The following TRABD2B variants were observed in gnomAD, a reference collection of about 807,000 sequenced individuals.
TRABD2B encodes the protein TraB domain containing 2B, also known as metalloprotease TIKI2.
TRABD2B carries 14 observed loss-of-function variants against 40.1 expected under a neutral mutation model. That is an observed-to-expected ratio of 0.35 (90% confidence interval 0.23 to 0.55). TRABD2B has a LOEUF of 0.55. TRABD2B is among the 20% of genes least tolerant of loss of function. The probability of loss-of-function intolerance (pLI) is 0.90; values close to 1 mark genes in which losing one functional copy is unlikely to be tolerated. For missense variants in TRABD2B, 541 were observed against 648.6 expected, an observed-to-expected ratio of 0.83 and a Z score of 1.80; for synonymous variants, 263 against 277.0, an observed-to-expected ratio of 0.95 and a Z score of 0.50.
chr1:47,834,058 T>C (rs988697103), intron 2 of TRABD2B, among the ~76,000 whole-genome samples: 1 of 152,200 alleles, frequency 6.6e-6, no homozygotes, highest in African/African-American at 2.4e-5. Flanking sequence ...TGGCAGTCAC[T>C]GGCAAAGGAA....
At position 47,893,567 on chromosome 1, in the gene TRABD2B, G is replaced by A. The variant is rs539175218; in HGVS notation, c.667-91948C>T. On this transcript the variant is annotated intron_variant, in intron 2 of 6. Coordinates refer to ENST00000606738, the MANE Select transcript of TRABD2B (RefSeq NM_001194986.2). The stretch of plus-strand genomic sequence containing the variant: ...TTCTCTTTACAGCCATGCTCTTAGC[G>A]CACCTTGCCTCACATTTCAATGCTT... Among the ~76,000 whole-genome samples, 6 of 152,244 alleles carry A rather than the reference G, an allele frequency of 3.9e-5. No homozygotes were observed. In the South Asian group the frequency reaches 1.0e-3, roughly 26 times the overall value.
rs1321049562 is a variant in TRABD2B, at chr1:47,763,628, C to A, written c.*2274G>T. ...ATTAATTTACCTTCTTGGCTCAGTGCCTGGCACAGATCTGGGCACACGGTC... is the reference window on the plus strand; with the variant it reads ...ATTAATTTACCTTCTTGGCTCAGTGACTGGCACAGATCTGGGCACACGGTC... On this transcript the variant is annotated 3_prime_UTR_variant, in exon 7 of 7. Coordinates refer to ENST00000606738, the MANE Select transcript of TRABD2B (RefSeq NM_001194986.2). 6.6e-6 allele frequency: 1 copy of A among 152,216 alleles called. No homozygotes were observed. The highest frequency in any genetic ancestry group is 1.5e-5 in the Non-Finnish European group (1 of 68,054). The allele number at this position is 152,216 out of a possible 1,614,324, so 9.4% of individuals were successfully genotyped here.
At chr1:47,779,875 G>C (rs1456824111) in intron 4 of TRABD2B, among the ~76,000 whole-genome samples, 1 of 152,230 alleles carries the variant, frequency 6.6e-6, no homozygotes, top group Admixed American at 6.5e-5. Context: ...GACAGCCCCA[G>C]GGAGGTCTAG....
chr1:47,847,171 C>T (rs1645483541), intron 2 of TRABD2B, among the ~76,000 whole-genome samples: 1 of 152,164 alleles, frequency 6.6e-6, no homozygotes, highest in South Asian at 2.1e-4. Flanking sequence ...GAGGCTGGGC[C>T]TGCCGCCAAG....
chr1:47,960,941 A>C (rs1473996438), intron 2 of TRABD2B, among the ~76,000 whole-genome samples: 1 of 152,088 alleles, frequency 6.6e-6, no homozygotes, highest in African/African-American at 2.4e-5. Context: ...TGGAGGCATC[A>C]CACTACCTGA....
chr1:47,886,216 G>A (rs1018979560), intron 2 of TRABD2B, among the ~76,000 whole-genome samples: 1 of 152,026 alleles, frequency 6.6e-6, no homozygotes, highest in African/African-American at 2.4e-5. Flanking sequence ...CCTCCTCCAG[G>A]GAGCCCTCCA....
At chr1:47,825,124 C>T (rs1645158476) in intron 2 of TRABD2B, among the ~76,000 whole-genome samples, 1 of 152,236 alleles carries the variant, frequency 6.6e-6, no homozygotes. Context: ...CACAGAACAA[C>T]ATGAGCAGGA....
intron 2 of TRABD2B, among the ~76,000 whole-genome samples, chr1:47,925,551 C>T (rs1235686295): frequency 6.6e-6 from 1 of 152,154 alleles, no homozygotes; most frequent in East Asian, 1.9e-4. Context: ...TCATTTAATC[C>T]TCACTAAGCT....
In TRABD2B at chr1:47,994,184, C is replaced by T. The variant is rs74075030; in HGVS notation, c.516G>A (p.Ser172=). 1.0e-3 allele frequency: 1,542 copies of T among 1,540,540 alleles called. 11 individuals are homozygous for T. The African/African-American group carries it at 0.019, about 19-fold the overall frequency. ...GGAAGCGCACGTCCCTCTCTGTGAG[C>T]GAGTTTACCATGAGCATCACCCAGA... The part of the protein sequence containing the change: ...RPVWVMLMVN[S]LTERDVRFRG... Residue 172 remains serine, a synonymous_variant, in exon 2 of 7, where the codon TCG becomes TCA. Coordinates refer to ENST00000606738, the MANE Select transcript of TRABD2B (RefSeq NM_001194986.2). This position sits in a 1 kb window ranked among gnomAD's most constrained non-coding sequence, Gnocchi z 6.7.
At chr1:47,906,012 A>C (rs1041393765) in intron 2 of TRABD2B, among the ~76,000 whole-genome samples, 1 of 152,056 alleles carries the variant, frequency 6.6e-6, no homozygotes, top group Non-Finnish European at 1.5e-5. Flanking sequence ...GCCATGTCTC[A>C]TTTTTTTATG....
At chr1:47,851,080 C>T (rs1276623851) in intron 2 of TRABD2B, among the ~76,000 whole-genome samples, 2 of 152,158 alleles carry the variant, frequency 1.3e-5, no homozygotes, top group Non-Finnish European at 2.9e-5. Flanking sequence ...AGGCTATGGA[C>T]TGGTACCAGT....
chr1:47,949,263 G>A (rs979302344), intron 2 of TRABD2B, among the ~76,000 whole-genome samples: 6 of 152,032 alleles, frequency 3.9e-5, no homozygotes, highest in Non-Finnish European at 8.8e-5. Flanking sequence ...AGGAAACTGA[G>A]GCCCAGAGAG....
At chr1:47,944,348 T>C (rs1320900062) in intron 2 of TRABD2B, among the ~76,000 whole-genome samples, 1 of 152,046 alleles carries the variant, frequency 6.6e-6, no homozygotes, top group Admixed American at 6.5e-5. Context: ...AATGTATGAA[T>C]TCAGAGCCAG....
chr1:47,930,232 G>T (rs1469084278), intron 2 of TRABD2B, among the ~76,000 whole-genome samples: 2 of 152,228 alleles, frequency 1.3e-5, no homozygotes, highest in African/African-American at 2.4e-5. Flanking sequence ...TGCCAGAGAA[G>T]AGAAAGACCA....
At chr1:47,921,318 G>A (rs1644899006) in intron 2 of TRABD2B, among the ~76,000 whole-genome samples, 1 of 152,184 alleles carries the variant, frequency 6.6e-6, no homozygotes, top group Non-Finnish European at 1.5e-5. Flanking sequence ...TATGCAAGTT[G>A]CCTCCGCTGC....
chr1:47,768,018 C>G (rs1385767866), intron 6 of TRABD2B, among the ~76,000 whole-genome samples: 1 of 152,220 alleles, frequency 6.6e-6, no homozygotes, highest in Non-Finnish European at 1.5e-5. Flanking sequence ...CCTGACTCCA[C>G]ATGGGCTCTT....
chr1:47,781,902 TC>T (rs1318748502), intron 4 of TRABD2B, among the ~76,000 whole-genome samples: 1 of 152,188 alleles, frequency 6.6e-6, no homozygotes, highest in Admixed American at 6.5e-5. Flanking sequence ...TGCTCACGAC[TC>T]CATTCCATCC....
intron 2 of TRABD2B, among the ~76,000 whole-genome samples, chr1:47,940,979 G>A (rs1049491776): frequency 2.6e-5 from 4 of 152,114 alleles, no homozygotes; most frequent in African/African-American, 9.7e-5. Flanking sequence ...CCATATGAAT[G>A]ACACTCTCCA....
intron 2 of TRABD2B, among the ~76,000 whole-genome samples, chr1:47,938,212 T>C (rs1413093396): frequency 6.6e-6 from 1 of 152,066 alleles, no homozygotes; most frequent in African/African-American, 2.4e-5. Flanking sequence ...CTTTTAAGTG[T>C]TATACAGGTG....
Sources: gnomAD v4.1 joint callset for allele counts (sites outside exome capture counted in the v4.1 genomes callset) on GRCh38, gnomAD v4.1.1 for gene constraint, Gnocchi (gnomAD v3.1) non-coding constraint, MANE v1.5 for transcripts, NCBI Gene and HGNC (gene_info 2026-07-23, HGNC 2026-07-21) for gene names.